The following IGFL2 variants were observed in gnomAD, a reference collection of about 807,000 sequenced individuals.
The protein encoded by IGFL2 is insulin growth factor-like family member 2.
A neutral mutation model predicts 13.9 loss-of-function variants in IGFL2; 7 were observed. That is an observed-to-expected ratio of 0.51 (90% CI 0.29 to 0.95). The LOEUF is 0.95. Among genes scored for constraint, IGFL2 ranks in the 40% least tolerant of loss-of-function variants. The probability of loss-of-function intolerance (pLI) is 0.08; values close to 1 mark genes in which losing one functional copy is unlikely to be tolerated. For synonymous variants in IGFL2, 55 were observed against 55.8 expected (o/e 0.99, Z 0.07); for missense variants, 138 against 147.8 (o/e 0.93, Z 0.34).
chr19:46,134,769 C>T, the IGFL2 span, among the ~76,000 whole-genome samples: 2 of 152,156 alleles, frequency 1.3e-5, no homozygotes, highest in Admixed American at 6.5e-5. Flanking sequence ...AAGCTCCACC[C>T]ACTAAGTCAC....
the IGFL2 span, chr19:46,111,300 C>T: frequency 1.3e-5 from 2 of 152,234 alleles, no homozygotes; most frequent in South Asian, 2.1e-4. Context: ...TTGGTCCTGT[C>T]CCAATAGTGG....
At chr19:46,168,785 A>G in the IGFL2 span, among the ~76,000 whole-genome samples, 299 of 152,208 alleles carry the variant, frequency 2.0e-3, 2 homozygotes, top group Admixed American at 9.9e-3. Context: ...ATAAAGTTCT[A>G]CTTATATAAT....
chr19:46,086,038 T>G, the IGFL2 span, among the ~76,000 whole-genome samples: 1 of 152,104 alleles, frequency 6.6e-6, no homozygotes, highest in Admixed American at 6.5e-5. Flanking sequence ...CTGACTAGGT[T>G]ACTTCAAAAG....
At chr19:46,183,043 A>C in the IGFL2 span, among the ~76,000 whole-genome samples, 7 of 152,148 alleles carry the variant, frequency 4.6e-5, no homozygotes, top group Admixed American at 4.6e-4. Flanking sequence ...GTAATTTATA[A>C]ACAAAAGAGA....
chr19:46,125,441 C>T, the IGFL2 span, among the ~76,000 whole-genome samples: 7 of 152,204 alleles, frequency 4.6e-5, no homozygotes, highest in African/African-American at 1.2e-4. Context: ...GCAGGGCAAA[C>T]TGAGGCCTGC....
chr19:46,194,850 ATATTTTTT>A, the IGFL2 span, among the ~76,000 whole-genome samples: 4 of 35,622 alleles, frequency 1.1e-4, no homozygotes, highest in Admixed American at 6.3e-4. Flanking sequence ...ATATATATAT[ATATTTTTT>A]TTTTTTTTTT....
chr19:46,195,517 T>C, the IGFL2 span, among the ~76,000 whole-genome samples: 2 of 152,178 alleles, frequency 1.3e-5, no homozygotes, highest in Non-Finnish European at 2.9e-5. Flanking sequence ...GTTGTAATCC[T>C]GATAAAAACA....
At chr19:46,121,605 G>T in the IGFL2 span, among the ~76,000 whole-genome samples, 30 of 150,738 alleles carry the variant, frequency 2.0e-4, no homozygotes, top group Non-Finnish European at 4.0e-4. Context: ...ATTAGCCAGA[G>T]ATAAAACAAC....
At chr19:46,180,558 G>A in the IGFL2 span, 1 of 152,136 alleles carries the variant, frequency 6.6e-6, no homozygotes, top group Non-Finnish European at 1.5e-5. Flanking sequence ...CAACTAATAG[G>A]ATATATGTAT....
the IGFL2 span, among the ~76,000 whole-genome samples, chr19:46,120,791 CTATT>C: frequency 1.3e-5 from 2 of 150,588 alleles, 1 homozygote; most frequent in African/African-American, 4.9e-5. Flanking sequence ...TATTTCAAAA[CTATT>C]AAGAGAGTAA....
At chr19:46,144,409 C>T (rs937676509), upstream of IGFL2, among the ~76,000 whole-genome samples, 9 of 152,082 alleles carry the variant, frequency 5.9e-5, no homozygotes, top group Non-Finnish European at 1.2e-4. Context: ...TCCTAAACTC[C>T]TTTGTTATTT....
chr19:46,151,025 CT>C (rs1324291147), intron 1 of IGFL2, among the ~76,000 whole-genome samples: 1 of 152,202 alleles, frequency 6.6e-6, no homozygotes, highest in Non-Finnish European at 1.5e-5. Context: ...TAAAACCTAT[CT>C]TTCCTGTCTA....
chr19:46,150,298 G>GTT (rs1402546220), intron 1 of IGFL2, among the ~76,000 whole-genome samples: 2 of 152,112 alleles, frequency 1.3e-5, no homozygotes, highest in East Asian at 1.9e-4. Context: ...TATATAATTT[G>GTT]CAAATACTTT....
the IGFL2 span, chr19:46,214,076 G>C: frequency 1.2e-4 from 18 of 152,446 alleles, no homozygotes; most frequent in African/African-American, 4.1e-4. Flanking sequence ...TCTGGGTCCC[G>C]CCCCATCCTG....
the IGFL2 span, among the ~76,000 whole-genome samples, chr19:46,096,035 G>GT: frequency 1.3e-5 from 2 of 152,098 alleles, no homozygotes; most frequent in Admixed American, 6.5e-5. Flanking sequence ...TTTTAAAGCA[G>GT]TTTTTTTCTA....
At chr19:46,148,347 A>G in intron 1 of IGFL2, 50 bp downstream of exon 1, 1 of 1,470,574 alleles carries the variant, frequency 6.8e-7, no homozygotes, top group Non-Finnish European at 9.3e-7. Context: ...GTTATCCCTA[A>G]TGTACCTCTG....
the IGFL2 span, among the ~76,000 whole-genome samples, chr19:46,098,661 TAG>T: frequency 6.6e-6 from 1 of 152,042 alleles, no homozygotes. Flanking sequence ...GTATTTTTAG[TAG>T]ATATGTGGTT....
chr19:46,127,155 G>A, the IGFL2 span, among the ~76,000 whole-genome samples: 3 of 152,272 alleles, frequency 2.0e-5, no homozygotes, highest in African/African-American at 7.2e-5. Flanking sequence ...GGAGGCTGAG[G>A]TGGGAGAACA....
At chr19:46,178,625 A>T in the IGFL2 span, among the ~76,000 whole-genome samples, 2 of 152,322 alleles carry the variant, frequency 1.3e-5, no homozygotes, top group Non-Finnish European at 2.9e-5. Flanking sequence ...TCATCTACAT[A>T]AAAAGAACCT....
Sources: allele counts gnomAD v4.1 joint callset (sites outside exome capture counted in the v4.1 genomes callset), GRCh38; gene constraint gnomAD v4.1.1; transcripts MANE v1.5; gene names NCBI Gene and HGNC (gene_info 2026-07-23, HGNC 2026-07-21).